SLC38A3: variants seen among roughly 807,000 people sequenced by gnomAD.
SLC38A3 encodes sodium-coupled neutral amino acid transporter 3.
Under a neutral mutation model 59.5 loss-of-function variants are expected in SLC38A3, and 17 were observed. The ratio of observed to expected loss-of-function variants is 0.29; its 90% CI spans 0.20 to 0.43. The LOEUF is 0.43. SLC38A3 is among the 20% of genes least tolerant of loss of function. SLC38A3 has a pLI of 1.00. For missense variants in SLC38A3, 454 were observed against 653.9 expected (o/e 0.69, Z 3.33); for synonymous variants, 238 against 260.3 (o/e 0.91, Z 0.82).
chr3:50,219,961 G>T lies in SLC38A3; in HGVS notation c.1387G>T (p.Ala463Ser). 1 of 1,612,630 alleles carries T rather than the reference G, an allele frequency of 6.2e-7. No individual in the cohort carries two copies. Among genetic ancestry groups the T allele is most frequent in the Non-Finnish European group, 8.5e-7 (1 of 1,179,356 alleles). The change falls in exon 15 of 16, where the codon GCA becomes TCA. Residue 463 changes from alanine to serine, a missense_variant. Ala to Ser is a moderately conservative substitution (Grantham distance 99). Transcript: ENST00000614032. ...AATCATGCCCACGGAGAAGGAGCCT[G>T]CAAGATCCACCCCCAAAATCCTGGT... ...FRIMPTEKEP[A>S]RSTPKILALC...
chr3:50,221,422 G>C lies in SLC38A3; in HGVS notation c.*1245G>C, dbSNP rs905148945. ...CAATGCCCTGAGTCTGGGGACAAAAGTCCAGGAATCCTGTGCCCTGTTGGG... is the reference window on the plus strand; with the variant it reads ...CAATGCCCTGAGTCTGGGGACAAAACTCCAGGAATCCTGTGCCCTGTTGGG... On this transcript the variant is annotated 3_prime_UTR_variant, in exon 16 of 16. Coordinates refer to ENST00000614032, the MANE Select transcript of SLC38A3 (RefSeq NM_006841.6). The C allele has an allele frequency of 6.6e-6, 1 of 152,224 alleles. No individual in the cohort carries two copies. The highest frequency in any genetic ancestry group is 1.5e-5 in the Non-Finnish European group (1 of 68,038). 9.4% of individuals were successfully genotyped at this position (152,224 alleles called of 1,614,324 possible). A position where few individuals can be genotyped will look rare whatever the true frequency, so the allele number is the denominator to read the frequency against.
chr3:50,218,807 C>T lies in SLC38A3; in HGVS notation c.1165C>T (p.Arg389Cys), dbSNP rs758545068. 5.6e-6 allele frequency: 9 copies of T among 1,606,710 alleles called. No individual in the cohort carries two copies. The highest frequency in any genetic ancestry group is 1.3e-5 in the African/African-American group (1 of 74,806). The change falls in exon 14 of 16, where the codon CGC becomes TGC. Residue 389 changes from arginine (R) to cysteine (C), a missense_variant. This residue lies in a region of SLC38A3 where 390 missense variants were observed against 557.9 expected (regional missense o/e 0.70). Transcript: ENST00000614032. This position sits in a 1 kb window ranked among gnomAD's most constrained non-coding sequence, Gnocchi z 5.8. ...ATTCTTCTCACCTGCCCCCCAGGTG[C>T]GCCGCGCCATCCAGCAGATGCTGTT... ...LTVPIVLFPV[R>C]RAIQQMLFPN...
intron 1 of SLC38A3, among the ~76,000 whole-genome samples, chr3:50,211,172 C>G (rs912890678): frequency 2.6e-5 from 4 of 152,212 alleles, no homozygotes; most frequent in African/African-American, 4.8e-5. Context: ...GAGTTTACCC[C>G]GATTCCGATT....
intron 14 of SLC38A3, among the ~76,000 whole-genome samples, chr3:50,219,679 C>A (rs1041837039): frequency 6.6e-6 from 1 of 152,170 alleles, no homozygotes; most frequent in African/African-American, 2.4e-5. Flanking sequence ...ATTCTTCTGA[C>A]ACCAACATCA....
chr3:50,219,461 G>T (rs1185227594), intron 14 of SLC38A3, among the ~76,000 whole-genome samples: 2 of 152,204 alleles, frequency 1.3e-5, no homozygotes, highest in African/African-American at 2.4e-5. Flanking sequence ...AGACCTGGGG[G>T]CTGAGTGTCA....
rs1464007364 is a variant in SLC38A3, at chr3:50,218,532, C to T, written c.1037-61C>T. On this transcript the variant is annotated intron_variant, in intron 12 of 15. Coordinates refer to ENST00000614032, the MANE Select transcript of SLC38A3 (RefSeq NM_006841.6). The surrounding 1 kb of genome is among the most constrained non-coding windows in gnomAD (Gnocchi z 5.8). ...CCCCACAGTGTTGGGGTCCCCTAGG[C>T]AGCTCAGATCCCACCTCCTTCCTGG... The T allele has an allele frequency of 3.1e-6, 5 of 1,593,656 alleles. No homozygotes were observed. The Admixed American group carries it at 6.8e-5, about 22-fold the overall frequency.
chr3:50,214,348 G>A lies in SLC38A3; in HGVS notation c.101+48G>A. The A allele has an allele frequency of 6.2e-7, 1 of 1,608,762 alleles. No homozygotes were observed. The highest frequency in any genetic ancestry group is 8.5e-7 in the Non-Finnish European group (1 of 1,176,786). ...GGTGGCTGAAGACAGGGCAGGGCAG[G>A]GATACAGAGCAAAGGGCTGGAGCTG... On this transcript the variant is annotated intron_variant, in intron 2 of 15. Coordinates refer to ENST00000614032, the MANE Select transcript of SLC38A3 (RefSeq NM_006841.6). The surrounding 1 kb of genome is among the most constrained non-coding windows in gnomAD (Gnocchi z 6.0).
At chr3:50,211,183 C>G (rs892696179) in intron 1 of SLC38A3, among the ~76,000 whole-genome samples, 3 of 152,220 alleles carry the variant, frequency 2.0e-5, no homozygotes, top group African/African-American at 7.2e-5. Context: ...GATTCCGATT[C>G]CCGGATACAA....
rs1280996782 is a variant in SLC38A3 at position 50,217,631 on chromosome 3, G to C, written c.691-45G>C. ...TGGCTTCATGGTGACTTCCCAGGCA[G>C]TCCAGCCTGGGAGTCTCTGACACCC... On this transcript the variant is annotated intron_variant, in intron 9 of 15. Transcript: ENST00000614032. The surrounding 1 kb of genome is among the most constrained non-coding windows in gnomAD (Gnocchi z 4.9). The C allele has an allele frequency of 6.8e-6, 11 of 1,608,280 alleles. No individual in the cohort carries two copies. Among genetic ancestry groups the C allele is most frequent in the South Asian group, 1.1e-5 (1 of 90,410 alleles).
At chr3:50,219,785 C>T (rs1422425643) in intron 14 of SLC38A3, 96 bp from the exon 15 acceptor site, 4 of 1,013,648 alleles carry the variant, frequency 3.9e-6, no homozygotes, top group Non-Finnish European at 6.0e-6. Context: ...GAAACTCCCT[C>T]AACAAGGAGT....
At chr3:50,211,509 C>T (rs549289514) in intron 1 of SLC38A3, among the ~76,000 whole-genome samples, 1 of 100,738 alleles carries the variant, frequency 9.9e-6, no homozygotes, top group African/African-American at 4.0e-5. Context: ...AGGGTGCCTA[C>T]TGGAATTTTA....
intron 1 of SLC38A3, among the ~76,000 whole-genome samples, chr3:50,209,648 C>CAAAAAAAAAAAAAAAAAAAAAAAAAAA (rs113482440): frequency 3.5e-5 from 4 of 114,946 alleles, no homozygotes; most frequent in African/African-American, 1.3e-4. Context: ...GACTCCGTCT[C>CAAAAAAAAAAAAAAAAAAAAAAAAAAA]AAAAAAAAAA....
rs1272371211 is a variant in SLC38A3 at position 50,214,438 on chromosome 3, G to A, written c.138G>A (p.Lys46=). 1 of 1,577,744 alleles carries A rather than the reference G, an allele frequency of 6.3e-7. No individual in the cohort carries two copies. Among genetic ancestry groups the A allele is most frequent in the African/African-American group, 1.4e-5 (1 of 74,006 alleles). The change falls in exon 3 of 16, where the codon AAG becomes AAA. Residue 46 remains lysine, a synonymous_variant. Transcript: ENST00000614032. The surrounding 1 kb of genome is among the most constrained non-coding windows in gnomAD (Gnocchi z 6.0). ...EDPARSCMEG[K]SFLQKSPSKE... ...CTGCACGGAGCTGTATGGAGGGCAAGAGCTTCCTACAGAAAAGTCCCAGCA... is the reference window on the plus strand; with the variant it reads ...CTGCACGGAGCTGTATGGAGGGCAAAAGCTTCCTACAGAAAAGTCCCAGCA...
chr3:50,218,159 C>G lies in SLC38A3; in HGVS notation c.936-111C>G. The G allele has an allele frequency of 3.8e-6, 4 of 1,048,996 alleles. No individual in the cohort carries two copies. The highest frequency in any genetic ancestry group is 5.9e-6 in the Non-Finnish European group (4 of 681,084). 65.0% of individuals were successfully genotyped at this position (1,048,996 alleles called of 1,614,324 possible). On this transcript the variant is annotated intron_variant, in intron 11 of 15. Coordinates refer to ENST00000614032, the MANE Select transcript of SLC38A3 (RefSeq NM_006841.6). The surrounding 1 kb of genome is among the most constrained non-coding windows in gnomAD (Gnocchi z 5.8). ...GTGATTATGAGCAAGAAGGAGACTC[C>G]CTCAGATGCTGAATGGTGAAAGTAT...
chr3:50,209,667 A>G (rs1217958535), intron 1 of SLC38A3, among the ~76,000 whole-genome samples: 1 of 151,862 alleles, frequency 6.6e-6, no homozygotes, highest in Non-Finnish European at 1.5e-5. Context: ...AAAACAAGAA[A>G]AAAAAAGAAA....
Position 50,214,150 on chromosome 3 carries a change from C to A in SLC38A3, c.-50C>A. On this transcript the variant is annotated splice_region_variant and 5_prime_UTR_variant, in exon 2 of 16. Transcript: ENST00000614032. This position sits in a 1 kb window ranked among gnomAD's most constrained non-coding sequence, Gnocchi z 6.0. ...CCAGAGGGACCGGCTGCTCTGCAGA[C>A]ATCTGACTGTTGGTGTGAGACCAGT... 2 of 1,561,138 alleles carry A rather than the reference C, an allele frequency of 1.3e-6. No homozygotes were observed. The highest frequency in any genetic ancestry group is 1.1e-5 in the South Asian group (1 of 88,180).
chr3:50,213,600 T>G (rs1699765577), intron 1 of SLC38A3, among the ~76,000 whole-genome samples: 1 of 152,180 alleles, frequency 6.6e-6, no homozygotes, highest in African/African-American at 2.4e-5. Context: ...CTGCCAGCAG[T>G]GCCCGCCGGG....
chr3:50,217,681 C>T lies in SLC38A3; in HGVS notation c.696C>T (p.Ile232=). Residue 232 remains isoleucine (I), a synonymous_variant, in exon 10 of 16, where the codon ATC becomes ATT. Transcript: ENST00000614032. This position sits in a 1 kb window ranked among gnomAD's most constrained non-coding sequence, Gnocchi z 4.9. ...CTCATCCCTCCCCACTCCAGGTCATCTACAAAAAGTTCCACGTGCCCTGCC... is the reference window on the plus strand; with the variant it reads ...CTCATCCCTCCCCACTCCAGGTCATTTACAAAAAGTTCCACGTGCCCTGCC... The part of the protein sequence containing the change: ...SCMVFFLIAV[I]YKKFHVPCPL... 6.2e-7 allele frequency: 1 copy of T among 1,613,982 alleles called. No homozygotes were observed. Among genetic ancestry groups the T allele is most frequent in the Non-Finnish European group, 8.5e-7 (1 of 1,179,876 alleles).
At position 50,218,571 on chromosome 3, in the gene SLC38A3, C is replaced by A. The variant is rs1432961630; in HGVS notation, c.1037-22C>A. ...CCTCCTTCCTGGGGCCACCTACTGA[C>A]CACCCTCCCTGCCTGCCACAGACGG... On this transcript the variant is annotated intron_variant, in intron 12 of 15. Transcript: ENST00000614032. The surrounding 1 kb of genome is among the most constrained non-coding windows in gnomAD (Gnocchi z 5.8). 1.2e-6 allele frequency: 2 copies of A among 1,608,500 alleles called. No individual in the cohort carries two copies. Among genetic ancestry groups the A allele is most frequent in the African/African-American group, 2.7e-5 (2 of 74,892 alleles).
Sources: allele counts gnomAD v4.1 joint callset (sites outside exome capture counted in the v4.1 genomes callset), GRCh38; gene constraint gnomAD v4.1.1; regional missense constraint gnomAD v4.1.1; non-coding constraint Gnocchi (gnomAD v3.1); transcripts MANE v1.5; gene names NCBI Gene and HGNC (gene_info 2026-07-23, HGNC 2026-07-21).